The following OTX1 variants were observed in gnomAD, a reference collection of about 807,000 sequenced individuals.
OTX1 encodes orthodenticle homeobox 1.
In OTX1, 7 loss-of-function variants were observed where a neutral mutation model predicts 26.7. The ratio of observed to expected loss-of-function variants is 0.26; its 90% CI spans 0.15 to 0.49. OTX1 has a LOEUF of 0.49. Ranked by LOEUF, OTX1 falls within the 20% of genes least tolerant of loss-of-function variation. The pLI is 0.98. For missense variants in OTX1, 414 were observed against 483.8 expected (o/e 0.86, Z 1.35); for synonymous variants, 216 against 212.8 (o/e 1.01, Z -0.13).
intron 2 of OTX1, chr2:63,051,775 T>G (rs1039956860): frequency 6.6e-6 from 1 of 152,578 alleles, no homozygotes; most frequent in African/African-American, 2.4e-5. Flanking sequence ...GTCCCTGGCT[T>G]GCTTCACAGC....
intron 2 of OTX1, 27 bp from the exon 3 acceptor site, chr2:63,052,853 G>C: frequency 1.7e-6 from 1 of 605,864 alleles, no homozygotes; most frequent in Non-Finnish European, 2.9e-6. Context: ...CCGATTGACG[G>C]TTTCCGTGTG....
intron 3 of OTX1, chr2:63,053,313 G>T: frequency 6.8e-6 from 3 of 443,560 alleles, no homozygotes; most frequent in South Asian, 5.3e-5. Flanking sequence ...CGCCTTCCCG[G>T]CCGGATCACC....
rs1189268472 is a variant in OTX1, at chr2:63,057,141, A to G, written c.*825A>G. The G allele has an allele frequency of 6.6e-6, 1 of 151,136 alleles. No individual in the cohort carries two copies. Among genetic ancestry groups the G allele is most frequent in the Non-Finnish European group, 1.5e-5 (1 of 67,840 alleles). 9.4% of individuals were successfully genotyped at this position (151,136 alleles called of 1,614,324 possible). A position where few individuals can be genotyped will look rare whatever the true frequency, so the allele number is the denominator to read the frequency against. Reference sequence around the variant, plus strand: ...TAAGATATATACAGCACATATATATATATATACATATATATATACACATAT... The same window carrying G: ...TAAGATATATACAGCACATATATATGTATATACATATATATATACACATAT... On this transcript the variant is annotated 3_prime_UTR_variant, in exon 5 of 5. Transcript: ENST00000282549.
rs1373580647 is a variant in OTX1 at position 63,052,947 on chromosome 2, C to T, written c.-44C>T. The T allele has an allele frequency of 2.2e-6, 3 of 1,392,064 alleles. No homozygotes were observed. The highest frequency in any genetic ancestry group is 1.7e-5 in the Admixed American group (1 of 57,498). The allele number at this position is 1,392,064 out of a possible 1,614,324, so 86.2% of individuals were successfully genotyped here. On this transcript the variant is annotated 5_prime_UTR_variant, in exon 3 of 5. Transcript: ENST00000282549. ...GGGAGCCCTGCACCGCTCCTGGCCC[C>T]GGGCCCCCTGGATCCGTCGGGGCGC... is the stretch of plus-strand genomic sequence containing the variant.
In OTX1 at chr2:63,055,845, C is replaced by G; in HGVS notation, c.594C>G (p.Ala198=). ...PASVSVPEPL[A]APSNTSCMQR... ...CCGTGTCGGTGCCGGAGCCATTGGC[C>G]GCGCCTAGCAACACCTCGTGTATGC... Residue 198 remains alanine, a synonymous_variant, in exon 5 of 5, where the codon GCC becomes GCG. Transcript: ENST00000282549. The surrounding 1 kb of genome is among the most constrained non-coding windows in gnomAD (Gnocchi z 5.2). 1 of 1,612,176 alleles carries G rather than the reference C, an allele frequency of 6.2e-7. No homozygotes were observed. Among genetic ancestry groups the G allele is most frequent in the Non-Finnish European group, 8.5e-7 (1 of 1,179,812 alleles).
At chr2:63,053,797 T>A (rs959471947) in intron 3 of OTX1, 4 of 502,924 alleles carry the variant, frequency 8.0e-6, no homozygotes, top group Non-Finnish European at 1.4e-5. Flanking sequence ...CTCTTAACTT[T>A]TTTAACCTCT....
At position 63,055,746 on chromosome 2, in the gene OTX1, G is replaced by A. The variant is rs966377101; in HGVS notation, c.495G>A (p.Ala165=). Residue 165 remains alanine (A), a synonymous_variant, in exon 5 of 5, where the codon GCG becomes GCA. Coordinates refer to ENST00000282549, the MANE Select transcript of OTX1 (RefSeq NM_014562.4). This position sits in a 1 kb window ranked among gnomAD's most constrained non-coding sequence, Gnocchi z 5.2. ...TAGGTGGGAACCCGGTGGCGGCCGC[G>A]TCGTCGCTGAGTACACCAGCTGCCT... ...AGLGGNPVAA[A]SSLSTPAASS... The A allele has an allele frequency of 6.2e-7, 1 of 1,612,412 alleles. No individual in the cohort carries two copies. The highest frequency in any genetic ancestry group is 1.3e-5 in the African/African-American group (1 of 75,040).
chr2:63,056,081 A>G lies in OTX1; in HGVS notation c.830A>G (p.His277Arg). ...MAPSSMAGHH[H>R]HHPHAHHPLS... The stretch of plus-strand genomic sequence containing the variant: ...CCCTCCTCCATGGCGGGCCACCATC[A>G]TCACCACCCACATGCGCACCACCCG... Residue 277 changes from histidine (H) to arginine (R), a missense_variant, in exon 5 of 5, where the codon CAT becomes CGT. By Grantham distance (29) the His-to-Arg change is conservative (BLOSUM62 0). Coordinates refer to ENST00000282549, the MANE Select transcript of OTX1 (RefSeq NM_014562.4). The G allele has an allele frequency of 6.2e-7, 1 of 1,613,778 alleles. No individual in the cohort carries two copies.
chr2:63,053,206 G>A (rs1238729682), intron 3 of OTX1, 119 bp downstream of exon 3: 4 of 645,586 alleles, frequency 6.2e-6, no homozygotes, highest in Non-Finnish European at 1.0e-5. Flanking sequence ...TGCAACACAG[G>A]GCCCACTGTC....
Position 63,055,784 on chromosome 2 carries a change from G to T in OTX1, c.533G>T (p.Ser178Ile). The part of the protein sequence containing the change: ...LSTPAASSIW[S>I]PASISPGSAP... Reference sequence around the variant, plus strand: ...ACACCAGCTGCCTCATCTATCTGGAGCCCGGCCTCCATCTCGCCAGGCTCA... The same window carrying T: ...ACACCAGCTGCCTCATCTATCTGGATCCCGGCCTCCATCTCGCCAGGCTCA... Residue 178 changes from serine to isoleucine, a missense_variant, in exon 5 of 5, where the codon AGC becomes ATC. Physicochemically the swap from Ser to Ile is moderately radical, Grantham distance 142. Around this residue, in one of 3 missense-constraint regions of OTX1, gnomAD observed 320 missense variants for 347.9 expected, o/e 0.92. Coordinates refer to ENST00000282549, the MANE Select transcript of OTX1 (RefSeq NM_014562.4). The surrounding 1 kb of genome is among the most constrained non-coding windows in gnomAD (Gnocchi z 5.2). 1 of 1,612,308 alleles carries T rather than the reference G, an allele frequency of 6.2e-7. No homozygotes were observed. Among genetic ancestry groups the T allele is most frequent in the Non-Finnish European group, 8.5e-7 (1 of 1,179,640 alleles).
upstream of OTX1, chr2:63,050,790 C>A (rs1056585842): frequency 6.6e-6 from 1 of 152,274 alleles, no homozygotes; most frequent in African/African-American, 2.4e-5. Context: ...GTTACGCACT[C>A]GCCTCGCGTT....
upstream of OTX1, chr2:63,050,684 G>A (rs1281040441): frequency 1.3e-5 from 2 of 151,392 alleles, no homozygotes; most frequent in Non-Finnish European, 3.0e-5. Context: ...GCGGGGGAGG[G>A]CGGGGGCGCG....
At chr2:63,053,505 A>C (rs1370298006) in intron 3 of OTX1, 1 of 187,520 alleles carries the variant, frequency 5.3e-6, no homozygotes, top group South Asian at 1.6e-4. Flanking sequence ...GGCTGCACTG[A>C]AGGAGTATTC....
chr2:63,050,143 G>A (rs1249535459), upstream of OTX1: 1 of 152,272 alleles, frequency 6.6e-6, no homozygotes, highest in Non-Finnish European at 1.5e-5. Flanking sequence ...AGATGCCGAC[G>A]AGCAAGCAGG....
In OTX1 at chr2:63,057,668, T is replaced by C. The variant is rs1277686738; in HGVS notation, c.*1352T>C. ...AATCTGCGGAGAGCCCGCGCGCCTG[T>C]GTATCAATTTTGGCTTTGGCCGCTT... On this transcript the variant is annotated 3_prime_UTR_variant, in exon 5 of 5. Coordinates refer to ENST00000282549, the MANE Select transcript of OTX1 (RefSeq NM_014562.4). 2.0e-5 allele frequency: 3 copies of C among 152,196 alleles called. No individual in the cohort carries two copies. The highest frequency in any genetic ancestry group is 7.2e-5 in the African/African-American group (3 of 41,436). 9.4% of individuals were successfully genotyped at this position (152,196 alleles called of 1,614,324 possible). A position where few individuals can be genotyped will look rare whatever the true frequency, so the allele number is the denominator to read the frequency against.
chr2:63,055,440 G>C lies in OTX1; in HGVS notation c.250-61G>C, dbSNP rs2062056522. On this transcript the variant is annotated intron_variant, in intron 4 of 4. Coordinates refer to ENST00000282549, the MANE Select transcript of OTX1 (RefSeq NM_014562.4). The surrounding 1 kb of genome is among the most constrained non-coding windows in gnomAD (Gnocchi z 5.2). ...GACCGGGAGTTGGGTCCGCGGGGCGGTGGAGCAACAAGCTCCCCTAGCTCC... is the reference window on the plus strand; with the variant it reads ...GACCGGGAGTTGGGTCCGCGGGGCGCTGGAGCAACAAGCTCCCCTAGCTCC... 2 of 1,519,312 alleles carry C rather than the reference G, an allele frequency of 1.3e-6. No homozygotes were observed. Among genetic ancestry groups the C allele is most frequent in the South Asian group, 2.5e-5 (2 of 80,910 alleles). The allele number at this position is 1,519,312 out of a possible 1,614,324, so 94.1% of individuals were successfully genotyped here.
chr2:63,050,762 G>A (rs2062019649), upstream of OTX1: 1 of 152,216 alleles, frequency 6.6e-6, no homozygotes, highest in Non-Finnish European at 1.5e-5. Flanking sequence ...CGGGGCCCCC[G>A]ATTGGCGGCC....
intron 2 of OTX1, chr2:63,051,944 G>A (rs1444642291): frequency 6.6e-6 from 1 of 152,380 alleles, no homozygotes; most frequent in East Asian, 1.9e-4. Flanking sequence ...ACGCCGCTGA[G>A]GCCTAGTTCT....
intron 2 of OTX1, 74 bp downstream of exon 2, chr2:63,051,391 G>A (rs2062025362): frequency 6.6e-6 from 1 of 152,360 alleles, no homozygotes; most frequent in African/African-American, 2.4e-5. Context: ...CTCCTCAAAT[G>A]GATCCCGGCT....
Sources: allele counts gnomAD v4.1 joint callset, GRCh38; gene constraint gnomAD v4.1.1; regional missense constraint gnomAD v4.1.1; non-coding constraint Gnocchi (gnomAD v3.1); transcripts MANE v1.5; gene names NCBI Gene and HGNC (gene_info 2026-07-23, HGNC 2026-07-21).